Variants in HDAC1 observed in about 807,000 individuals in gnomAD.
HDAC1 encodes the protein histone deacetylase 1, also known as protein deacetylase HDAC1.
HDAC1 carries 18 observed loss-of-function variants against 65.5 expected under a neutral mutation model. The observed-to-expected ratio is 0.27, with a 90% CI of 0.19 to 0.41. The LOEUF is 0.41. Among genes scored for constraint, HDAC1 ranks in the 10% least tolerant of loss-of-function variants. The pLI is 1.00. For missense variants in HDAC1, 373 were observed against 625.2 expected (o/e 0.60, Z 4.30); for synonymous variants, 211 against 227.9 (o/e 0.93, Z 0.67).
chr1:32,330,591 T>C lies in HDAC1; in HGVS notation c.743T>C (p.Val248Ala). ...GTATCATTTTAGGTCATGTCCAAAGTAATGGAGATGTTCCAGCCTAGTGCG... is the reference window on the plus strand; with the variant it reads ...GTATCATTTTAGGTCATGTCCAAAGCAATGGAGATGTTCCAGCCTAGTGCG... ...EAIFKPVMSKVMEMFQPSAVV... is the reference protein window; with the variant it reads ...EAIFKPVMSKAMEMFQPSAVV... The change falls in exon 8 of 14, where the codon GTA becomes GCA. Residue 248 changes from valine (V) to alanine (A), a missense_variant. Transcript: ENST00000373548. This position sits in a 1 kb window ranked among gnomAD's most constrained non-coding sequence, Gnocchi z 4.2. The C allele has an allele frequency of 1.2e-6, 2 of 1,611,796 alleles. No homozygotes were observed. The highest frequency in any genetic ancestry group is 1.7e-6 in the Non-Finnish European group (2 of 1,177,900).
chr1:32,321,373 C>T (rs1342097743), intron 3 of HDAC1, among the ~76,000 whole-genome samples: 1 of 145,976 alleles, frequency 6.9e-6, no homozygotes, highest in East Asian at 2.0e-4. Context: ...CCCACTCCCC[C>T]AGCCCCCCAC....
At chr1:32,313,642 TTCGCTCAGCA>T (rs1210157766) in intron 2 of HDAC1, among the ~76,000 whole-genome samples, 1 of 152,222 alleles carries the variant, frequency 6.6e-6, no homozygotes, top group Non-Finnish European at 1.5e-5. Flanking sequence ...ATAACATCAC[TTCGCTCAGCA>T]TCATTTAGTT....
intron 2 of HDAC1, among the ~76,000 whole-genome samples, chr1:32,313,964 A>G (rs1158324636): frequency 6.6e-6 from 1 of 152,190 alleles, no homozygotes; most frequent in East Asian, 1.9e-4. Flanking sequence ...AATTATTGTC[A>G]AGTAAAAATT....
intron 3 of HDAC1, 46 bp from the exon 4 acceptor site, chr1:32,324,433 A>G (rs1557610119): frequency 1.5e-6 from 2 of 1,319,378 alleles, no homozygotes; most frequent in Non-Finnish European, 2.2e-6. Context: ...AAATATGTAA[A>G]CTAAAGGAAA....
chr1:32,333,383 G>T lies in HDAC1; in HGVS notation c.*339G>T. 1 of 181,516 alleles carries T rather than the reference G, an allele frequency of 5.5e-6. No homozygotes were observed. Among genetic ancestry groups the T allele is most frequent in the Non-Finnish European group, 1.2e-5 (1 of 86,956 alleles). 11.2% of individuals were successfully genotyped at this position (181,516 alleles called of 1,614,324 possible). ...AAAGGTGCCCTTATTGAACATTCTAGAAGGGGTGGCTGGGTCTTCAAGGAT... is the reference window on the plus strand; with the variant it reads ...AAAGGTGCCCTTATTGAACATTCTATAAGGGGTGGCTGGGTCTTCAAGGAT... On this transcript the variant is annotated 3_prime_UTR_variant, in exon 14 of 14. Transcript: ENST00000373548.
intron 3 of HDAC1, among the ~76,000 whole-genome samples, chr1:32,319,928 C>T (rs1465924820): frequency 6.6e-6 from 1 of 151,268 alleles, no homozygotes; most frequent in Non-Finnish European, 1.5e-5. Flanking sequence ...AAAAAAAAAA[C>T]ACACATGGCC....
At chr1:32,296,040 G>C (rs992905707) in intron 1 of HDAC1, among the ~76,000 whole-genome samples, 1 of 152,184 alleles carries the variant, frequency 6.6e-6, no homozygotes, top group African/African-American at 2.4e-5. Flanking sequence ...GATAGTATTT[G>C]TCACTGTGTA....
At chr1:32,300,941 C>T (rs189331898) in intron 1 of HDAC1, among the ~76,000 whole-genome samples, 20 of 152,262 alleles carry the variant, frequency 1.3e-4, no homozygotes, top group Admixed American at 7.8e-4. Context: ...GAACTGTAAA[C>T]GGATGGGCAT....
chr1:32,324,606 T>G (rs1641192159), intron 4 of HDAC1, 53 bp downstream of exon 4: 6 of 1,234,100 alleles, frequency 4.9e-6, no homozygotes, highest in Non-Finnish European at 7.2e-6. Flanking sequence ...TCTAGTGAGG[T>G]CTGCCTTTTA....
At chr1:32,316,597 T>A in intron 2 of HDAC1, 68 bp from the exon 3 acceptor site, 1 of 861,552 alleles carries the variant, frequency 1.2e-6, no homozygotes, top group Non-Finnish European at 2.0e-6. Context: ...AATATAAATA[T>A]TCAAACTAGA....
rs1641324112 is a variant in HDAC1, at chr1:32,333,235, C to T, written c.*191C>T. ...GTGAGCTCTTCCAGGAGCCACCTTG[C>T]CACCCATTCTTCCCGTTCTTAACTT... On this transcript the variant is annotated 3_prime_UTR_variant, in exon 14 of 14. Coordinates refer to ENST00000373548, the MANE Select transcript of HDAC1 (RefSeq NM_004964.3). The T allele has an allele frequency of 2.1e-6, 1 of 477,544 alleles. No homozygotes were observed. 29.6% of individuals were successfully genotyped at this position (477,544 alleles called of 1,614,324 possible).
chr1:32,297,587 C>T (rs1640785181), intron 1 of HDAC1, among the ~76,000 whole-genome samples: 1 of 152,048 alleles, frequency 6.6e-6, no homozygotes, highest in Admixed American at 6.6e-5. Context: ...GTACAAAGAC[C>T]TCAGTCTTTA....
chr1:32,330,551 G>T lies in HDAC1; in HGVS notation c.730-27G>T. 1 of 1,494,382 alleles carries T rather than the reference G, an allele frequency of 6.7e-7. No individual in the cohort carries two copies. Among genetic ancestry groups the T allele is most frequent in the Non-Finnish European group, 9.3e-7 (1 of 1,071,036 alleles). 92.6% of individuals were successfully genotyped at this position (1,494,382 alleles called of 1,614,324 possible). A position where few individuals can be genotyped will look rare whatever the true frequency, so the allele number is the denominator to read the frequency against. On this transcript the variant is annotated intron_variant, in intron 7 of 13. Transcript: ENST00000373548. The surrounding 1 kb of genome is among the most constrained non-coding windows in gnomAD (Gnocchi z 4.2). ...AACCTCGTATTGCTTTCTTGAGGTT[G>T]GTGGTGACCAGGATGTATCATTTTA...
intron 4 of HDAC1, among the ~76,000 whole-genome samples, chr1:32,325,014 C>T (rs529250124): frequency 7.1e-4 from 108 of 152,232 alleles, no homozygotes; most frequent in Non-Finnish European, 1.4e-3. Context: ...GGTTCAGTCC[C>T]AGCCCAGGTT....
chr1:32,294,599 C>T (rs1640741906), intron 1 of HDAC1, among the ~76,000 whole-genome samples: 1 of 150,452 alleles, frequency 6.6e-6, no homozygotes, highest in South Asian at 2.1e-4. Context: ...GCTGCAAGCT[C>T]CACCTCCCGG....
chr1:32,326,245 C>G (rs1446524305), intron 4 of HDAC1, among the ~76,000 whole-genome samples: 1 of 151,832 alleles, frequency 6.6e-6, no homozygotes, highest in Non-Finnish European at 1.5e-5. Context: ...ACTGCAACCT[C>G]CGCCTCCTGG....
At position 32,332,631 on chromosome 1, in the gene HDAC1, G is replaced by GGT. The variant is rs1488570816; in HGVS notation, c.1373-69_1373-68dup. 4.4e-6 allele frequency: 5 copies of GGT among 1,130,344 alleles called. No homozygotes were observed. In the African/African-American group the frequency reaches 7.8e-5, roughly 18 times the overall value. The allele number at this position is 1,130,344 out of a possible 1,614,324, so 70.0% of individuals were successfully genotyped here. A position where few individuals can be genotyped will look rare whatever the true frequency, so the allele number is the denominator to read the frequency against. On this transcript the variant is annotated intron_variant, in intron 12 of 13. Coordinates refer to ENST00000373548, the MANE Select transcript of HDAC1 (RefSeq NM_004964.3). ...TGTAGTGTTGGGGAAGGGGTCTCAG[G>GGT]GTAAATGAAGACCTCATGGGTCTTC...
In HDAC1 at chr1:32,327,157, C is replaced by T. The variant is rs1371294969; in HGVS notation, c.494+80C>T. 1.3e-6 allele frequency: 2 copies of T among 1,488,822 alleles called. No individual in the cohort carries two copies. Among genetic ancestry groups the T allele is most frequent in the South Asian group, 1.2e-5 (1 of 85,840 alleles). The allele number at this position is 1,488,822 out of a possible 1,614,324, so 92.2% of individuals were successfully genotyped here. On this transcript the variant is annotated intron_variant, in intron 5 of 13. Coordinates refer to ENST00000373548, the MANE Select transcript of HDAC1 (RefSeq NM_004964.3). The surrounding 1 kb of genome is among the most constrained non-coding windows in gnomAD (Gnocchi z 6.0). The stretch of plus-strand genomic sequence containing the variant: ...TCCCTCTTCCCCTGGGCTTGCCTCC[C>T]TAGTTTGCTTTTCCTACCGATGTGC...
chr1:32,310,510 C>G (rs180909225), intron 2 of HDAC1, among the ~76,000 whole-genome samples: 114 of 152,110 alleles, frequency 7.5e-4, no homozygotes, highest in African/African-American at 2.6e-3. Context: ...CCCAGGAGTT[C>G]GAGACCAGCC....
Sources: gnomAD v4.1 joint callset for allele counts (sites outside exome capture counted in the v4.1 genomes callset) on GRCh38, gnomAD v4.1.1 for gene constraint, Gnocchi (gnomAD v3.1) non-coding constraint, MANE v1.5 for transcripts, NCBI Gene and HGNC (gene_info 2026-07-23, HGNC 2026-07-21) for gene names.